Variants in ETAA1 observed in about 807,000 individuals in gnomAD.
ETAA1 encodes the protein ETAA1 activator of ATR kinase, also known as ewing's tumor-associated antigen 1.
In ETAA1, 49 loss-of-function variants were observed where a neutral mutation model predicts 76.8. The observed-to-expected ratio is 0.64, with a 90% CI of 0.51 to 0.81. The LOEUF (loss-of-function observed/expected upper bound fraction) is 0.81, where lower values mean the gene tolerates loss of function less well. Ranked by LOEUF, ETAA1 falls within the 30% of genes least tolerant of loss-of-function variation. The pLI is 0.00. For synonymous variants in ETAA1, 373 were observed against 372.2 expected (o/e 1.00, Z -0.03); for missense variants, 1,099 against 1,074.0 (o/e 1.02, Z -0.32).
intron 5 of ETAA1, among the ~76,000 whole-genome samples, chr2:67,409,608 A>AAT (rs1676311803): frequency 6.6e-6 from 1 of 151,992 alleles, no homozygotes; most frequent in African/African-American, 2.4e-5. Context: ...GGGTCATATA[A>AAT]ATTAGATGTC....
chr2:67,403,519 A>G lies in ETAA1; in HGVS notation c.837A>G (p.Glu279=). Residue 279 remains glutamate (E), a synonymous_variant, in exon 5 of 6, where the codon GAA becomes GAG. Transcript: ENST00000272342. ...SSQKPFDQIA[E]AAFNAIFDGS... ...AGAAGCCATTTGACCAAATTGCTGA[A>G]GCAGCCTTTAATGCTATTTTTGATG... 1.2e-6 allele frequency: 2 copies of G among 1,613,592 alleles called. No homozygotes were observed. Among genetic ancestry groups the G allele is most frequent in the African/African-American group, 1.3e-5 (1 of 75,046 alleles).
intron 1 of ETAA1, among the ~76,000 whole-genome samples, 190 bp downstream of exon 1, chr2:67,397,861 A>G (rs1675926094): frequency 6.6e-6 from 1 of 151,914 alleles, no homozygotes; most frequent in African/African-American, 2.4e-5. Flanking sequence ...CTTCAGCACT[A>G]CCCCGTTAGG....
intron 5 of ETAA1, among the ~76,000 whole-genome samples, chr2:67,409,348 A>G (rs1236135297): frequency 6.6e-6 from 1 of 152,012 alleles, no homozygotes; most frequent in Non-Finnish European, 1.5e-5. Flanking sequence ...ACAGTGAATC[A>G]CAGGTAACCA....
At chr2:67,403,150 A>G (rs1676101361) in intron 4 of ETAA1, 75 bp from the exon 5 acceptor site, 3 of 1,190,944 alleles carry the variant, frequency 2.5e-6, no homozygotes, top group South Asian at 3.5e-5. Context: ...GAGCTTTAAC[A>G]TCAAAATATG....
intron 5 of ETAA1, 109 bp downstream of exon 5, chr2:67,405,444 T>TA: frequency 1.3e-6 from 1 of 757,210 alleles, no homozygotes; most frequent in Non-Finnish European, 2.0e-6. Context: ...AACTATTCTA[T>TA]GACTAGTTAA....
At position 67,397,608 on chromosome 2, in the gene ETAA1, G is replaced by A. The variant is rs1675912341; in HGVS notation, c.160G>A (p.Gly54Arg). The A allele has an allele frequency of 3.9e-6, 6 of 1,549,666 alleles. No individual in the cohort carries two copies. Among genetic ancestry groups the A allele is most frequent in the Non-Finnish European group, 5.2e-6 (6 of 1,147,390 alleles). ...WPCGAREGPPGPVRQREQPPT... is the reference protein window; with the variant it reads ...WPCGAREGPPRPVRQREQPPT... ...CTGCGGGGCTAGAGAGGGGCCTCCC[G>A]GGCCAGTGCGGCAGCGAGAGCAGCC... Residue 54 changes from glycine (G) to arginine (R), a missense_variant, in exon 1 of 6, where the codon GGG becomes AGG. Gly to Arg is a moderately radical substitution (Grantham distance 125). Coordinates refer to ENST00000272342, the MANE Select transcript of ETAA1 (RefSeq NM_019002.4).
Position 67,404,388 on chromosome 2 carries a change from G to A in ETAA1, c.1706G>A (p.Ser569Asn), listed in dbSNP as rs750254319. The A allele has an allele frequency of 6.2e-7, 1 of 1,613,296 alleles. No homozygotes were observed. The highest frequency in any genetic ancestry group is 8.5e-7 in the Non-Finnish European group (1 of 1,179,480). ...AGTGTTAGTAACCCAAATCAGACTA[G>A]TGCATCAAAAGTAGGTTCTTTCTTT... Reference protein sequence around the residue: ...KTSVSNPNQTSASKVGSFFDD... With the variant: ...KTSVSNPNQTNASKVGSFFDD... The change falls in exon 5 of 6, where the codon AGT (serine) becomes AAT (asparagine). Residue 569 changes from serine to asparagine, a missense_variant. Physicochemically the swap from Ser to Asn is conservative, Grantham distance 46. This residue lies in a region of ETAA1 where 761 missense variants were observed against 731.9 expected (regional missense o/e 1.04). Coordinates refer to ENST00000272342, the MANE Select transcript of ETAA1 (RefSeq NM_019002.4).
chr2:67,407,656 A>C (rs577217611), intron 5 of ETAA1, among the ~76,000 whole-genome samples: 7 of 152,182 alleles, frequency 4.6e-5, no homozygotes, highest in Non-Finnish European at 1.0e-4. Context: ...TTCCGATAAC[A>C]TAATTAATTA....
rs192610851 is a variant in ETAA1 at position 67,404,112 on chromosome 2, A to G, written c.1430A>G (p.Asn477Ser). 85 of 1,590,004 alleles carry G rather than the reference A, an allele frequency of 5.3e-5. No homozygotes were observed. In the East Asian group the frequency reaches 1.8e-3, roughly 34 times the overall value. The change falls in exon 5 of 6, where the codon AAT becomes AGT. Residue 477 changes from asparagine (N) to serine (S), a missense_variant. Around this residue, in one of 3 missense-constraint regions of ETAA1, gnomAD observed 761 missense variants for 731.9 expected, o/e 1.04. Transcript: ENST00000272342. ...AAATCAAACAAATTATCCACTGGAA[A>G]TAAAATGAAATTTGAGAACTCTTCC... ...SNKSNKLSTG[N>S]KMKFENSSNK...
chr2:67,399,307 T>G lies in ETAA1; in HGVS notation c.352+10T>G. ...TTGACAAAGCAGTTAGGTAATTAAT[T>G]ATTAACATTTTTTATGTGAGTAAAT... On this transcript the variant is annotated intron_variant, in intron 2 of 5. Transcript: ENST00000272342. 1 of 1,597,368 alleles carries G rather than the reference T, an allele frequency of 6.3e-7. No individual in the cohort carries two copies. The highest frequency in any genetic ancestry group is 8.5e-7 in the Non-Finnish European group (1 of 1,170,958).
In ETAA1 at chr2:67,397,522, A is replaced by C; in HGVS notation, c.74A>C (p.Glu25Ala). 1 of 1,594,882 alleles carries C rather than the reference A, an allele frequency of 6.3e-7. No homozygotes were observed. Among genetic ancestry groups the C allele is most frequent in the Non-Finnish European group, 8.5e-7 (1 of 1,170,890 alleles). The change falls in exon 1 of 6, where the codon GAA (glutamate) becomes GCA (alanine). Residue 25 changes from glutamate to alanine, a missense_variant. Coordinates refer to ENST00000272342, the MANE Select transcript of ETAA1 (RefSeq NM_019002.4). ...KTPHKTVAAE[E>A]CGSVVEPGRR... The stretch of plus-strand genomic sequence containing the variant: ...CCGCACAAAACAGTGGCGGCGGAGG[A>C]ATGCGGCTCGGTGGTCGAGCCAGGG...
chr2:67,403,406 A>G lies in ETAA1; in HGVS notation c.724A>G (p.Asn242Asp). ...KDNIQMWSLH[N>D]IVPEIDNATK... ...TAATATACAGATGTGGTCATTACAT[A>G]ATATAGTTCCCGAAATAGATAATGC... The change falls in exon 5 of 6, where the codon AAT becomes GAT. Residue 242 changes from asparagine (N) to aspartate (D), a missense_variant. Physicochemically the swap from Asn to Asp is conservative, Grantham distance 23 (BLOSUM62 1). Coordinates refer to ENST00000272342, the MANE Select transcript of ETAA1 (RefSeq NM_019002.4). 1 of 1,608,286 alleles carries G rather than the reference A, an allele frequency of 6.2e-7. No homozygotes were observed. The highest frequency in any genetic ancestry group is 1.1e-5 in the South Asian group (1 of 90,882).
In ETAA1 at chr2:67,404,297, A is replaced by C. The variant is rs533196683; in HGVS notation, c.1615A>C (p.Asn539His). The stretch of plus-strand genomic sequence containing the variant: ...TGAACAGAAAAATAAGTGCATTTTA[A>C]ATCAGTCTATTAAAGCCCCTGTTAA... The part of the protein sequence containing the change: ...SNEQKNKCIL[N>H]QSIKAPVNTD... Residue 539 changes from asparagine to histidine, a missense_variant, in exon 5 of 6, where the codon AAT (asparagine) becomes CAT (histidine). Physicochemically the swap from Asn to His is moderately conservative, Grantham distance 68. This residue lies in a region of ETAA1 where 761 missense variants were observed against 731.9 expected (regional missense o/e 1.04). Transcript: ENST00000272342. The C allele has an allele frequency of 1.2e-6, 2 of 1,612,262 alleles. No individual in the cohort carries two copies. Among genetic ancestry groups the C allele is most frequent in the Non-Finnish European group, 1.7e-6 (2 of 1,179,230 alleles).
rs374866477 is a variant in ETAA1, at chr2:67,403,845, G to A, written c.1163G>A (p.Gly388Asp). 1.9e-6 allele frequency: 3 copies of A among 1,613,230 alleles called. No homozygotes were observed. Among genetic ancestry groups the A allele is most frequent in the East Asian group, 2.2e-5 (1 of 44,842 alleles). Residue 388 changes from glycine (G) to aspartate (D), a missense_variant, in exon 5 of 6, where the codon GGT (glycine) becomes GAT (aspartate). Physicochemically the swap from Gly to Asp is moderately conservative, Grantham distance 94 (BLOSUM62 -1). Around this residue, in one of 3 missense-constraint regions of ETAA1, gnomAD observed 761 missense variants for 731.9 expected, o/e 1.04. Coordinates refer to ENST00000272342, the MANE Select transcript of ETAA1 (RefSeq NM_019002.4). Reference sequence around the variant, plus strand: ...GAGGATGATTGGGAAAACTTACTAGGTAGTGAACCTTTTGCTATGCAAAAT... The same window carrying A: ...GAGGATGATTGGGAAAACTTACTAGATAGTGAACCTTTTGCTATGCAAAAT... ...DFEDDWENLLGSEPFAMQNID... is the reference protein window; with the variant it reads ...DFEDDWENLLDSEPFAMQNID...
intron 3 of ETAA1, chr2:67,400,467 CTT>C (rs1676023695): frequency 6.6e-6 from 1 of 151,736 alleles, no homozygotes; most frequent in East Asian, 1.9e-4. Context: ...TGTTTCGTTT[CTT>C]TTTTTCATTT....
rs957094233 is a variant in ETAA1, at chr2:67,410,207, C to T, written c.*169C>T. 1.6e-6 allele frequency: 1 copy of T among 640,782 alleles called. No homozygotes were observed. 39.7% of individuals were successfully genotyped at this position (640,782 alleles called of 1,614,324 possible). A position where few individuals can be genotyped will look rare whatever the true frequency, so the allele number is the denominator to read the frequency against. Reference sequence around the variant, plus strand: ...TTTGCAATGGTAAATGAAACATTTCCTTGGACATGTATTTGAAAGTCATTA... The same window carrying T: ...TTTGCAATGGTAAATGAAACATTTCTTTGGACATGTATTTGAAAGTCATTA... On this transcript the variant is annotated 3_prime_UTR_variant, in exon 6 of 6. Transcript: ENST00000272342.
rs1676362691 is a variant in ETAA1, at chr2:67,411,240, T to C, written c.*1202T>C. 6.6e-6 allele frequency: 1 copy of C among 151,982 alleles called. No homozygotes were observed. Among genetic ancestry groups the C allele is most frequent in the Non-Finnish European group, 1.5e-5 (1 of 67,970 alleles). The allele number at this position is 151,982 out of a possible 1,614,324, so 9.4% of individuals were successfully genotyped here. On this transcript the variant is annotated 3_prime_UTR_variant, in exon 6 of 6. Transcript: ENST00000272342. Reference sequence around the variant, plus strand: ...ATGGTTTTAGGAGATCTAGAGAAAGTTAGAGATATGAAACACCTGTCATGG... The same window carrying C: ...ATGGTTTTAGGAGATCTAGAGAAAGCTAGAGATATGAAACACCTGTCATGG...
rs1676327633 is a variant in ETAA1, at chr2:67,409,983, G to C, written c.2726G>C (p.Arg909Thr). Residue 909 changes from arginine (R) to threonine (T), a missense_variant, in exon 6 of 6, where the codon AGA (arginine) becomes ACA (threonine). Physicochemically the swap from Arg to Thr is moderately conservative, Grantham distance 71. This residue lies in a region of ETAA1 where 302 missense variants were observed against 278.1 expected (regional missense o/e 1.09). Transcript: ENST00000272342. Reference protein sequence around the residue: ...QRKRQEALVRRMAKARASSVN... With the variant: ...QRKRQEALVRTMAKARASSVN... ...AAAAGACAAGAAGCACTGGTTCGGA[G>C]AATGGCTAAAGCACGAGCCTCATCT... The C allele has an allele frequency of 6.2e-7, 1 of 1,609,988 alleles. No individual in the cohort carries two copies. Among genetic ancestry groups the C allele is most frequent in the Admixed American group, 1.7e-5 (1 of 59,134 alleles).
intron 5 of ETAA1, among the ~76,000 whole-genome samples, 170 bp downstream of exon 5, chr2:67,405,505 G>A (rs62156688): frequency 6.6e-6 from 1 of 151,638 alleles, no homozygotes; most frequent in Non-Finnish European, 1.5e-5. Context: ...ATAATTATAC[G>A]GCATTATACA....
Sources: gnomAD v4.1 joint callset for allele counts (sites outside exome capture counted in the v4.1 genomes callset) on GRCh38, gnomAD v4.1.1 for gene constraint, gnomAD v4.1.1 regional missense constraint, MANE v1.5 for transcripts, NCBI Gene and HGNC (gene_info 2026-07-23, HGNC 2026-07-21) for gene names.